Variants in CDKL1 observed in about 807,000 individuals in gnomAD.
CDKL1 encodes cyclin-dependent kinase-like 1.
A neutral mutation model predicts 42.0 loss-of-function variants in CDKL1; 41 were observed. That is an observed-to-expected ratio of 0.98 (90% confidence interval 0.76 to 1.27). The LOEUF (loss-of-function observed/expected upper bound fraction) is 1.27, where lower values mean the gene tolerates loss of function less well. Among genes scored for constraint, CDKL1 ranks in the 50% most tolerant of loss-of-function variants. CDKL1 has a pLI of 0.00. For missense variants in CDKL1, 394 were observed against 428.4 expected (o/e 0.92, Z 0.71); for synonymous variants, 153 against 158.6 (o/e 0.96, Z 0.26).
At chr14:50,361,028 G>C (rs1027650627) in intron 2 of CDKL1, among the ~76,000 whole-genome samples, 4 of 152,130 alleles carry the variant, frequency 2.6e-5, no homozygotes, top group African/African-American at 9.7e-5. Flanking sequence ...ATGTTTTTGA[G>C]ACTCTACTTT....
At chr14:50,379,819 G>A (rs975639044) in intron 2 of CDKL1, among the ~76,000 whole-genome samples, 1 of 152,234 alleles carries the variant, frequency 6.6e-6, no homozygotes, top group Non-Finnish European at 1.5e-5. Context: ...TCACCTTGAA[G>A]GAGGATCCTG....
Position 50,395,829 on chromosome 14 carries a change from A to T in CDKL1, c.40T>A (p.Ser14Thr), listed in dbSNP as rs542432977. Residue 14 changes from serine (S) to threonine (T), a missense_variant, in exon 2 of 10, where the codon TCC (serine) becomes ACC (threonine). Transcript: ENST00000395834. ...CTACATTTGAAAACAACTCCATAGG[A>T]TCCTTCTCCAATTTTCCCAATTTTT... is the stretch of plus-strand genomic sequence containing the variant. The part of the protein sequence containing the change: ...YEKIGKIGEG[S>T]YGVVFKCRNR... 12 of 1,610,104 alleles carry T rather than the reference A, an allele frequency of 7.5e-6. No homozygotes were observed. In the South Asian group the frequency reaches 1.1e-4, roughly 15 times the overall value.
At position 50,330,222 on chromosome 14, in the gene CDKL1, A is replaced by G. The variant is rs368888855; in HGVS notation, c.967-41T>C. On this transcript the variant is annotated intron_variant, in intron 9 of 9. Transcript: ENST00000395834. ...ACAGAATTAGGTTCAAAACTGTGCC[A>G]TGCATTTTTTTCATTATTTAGAATA... 1.9e-5 allele frequency: 30 copies of G among 1,578,210 alleles called. No homozygotes were observed. In the Admixed American group the frequency reaches 3.2e-4, roughly 17 times the overall value.
intron 3 of CDKL1, among the ~76,000 whole-genome samples, chr14:50,353,646 T>A (rs990978490): frequency 2.6e-5 from 4 of 152,198 alleles, no homozygotes; most frequent in Non-Finnish European, 4.4e-5. Flanking sequence ...TAAGAAATCA[T>A]GGTATATTCA....
At chr14:50,382,016 AT>A (rs1487536819) in intron 2 of CDKL1, among the ~76,000 whole-genome samples, 4 of 152,204 alleles carry the variant, frequency 2.6e-5, no homozygotes, top group Admixed American at 2.6e-4. Context: ...CAACCAGGCA[AT>A]TTTACCCAAG....
chr14:50,381,807 CT>C (rs1409222982), intron 2 of CDKL1, among the ~76,000 whole-genome samples: 1 of 152,154 alleles, frequency 6.6e-6, no homozygotes, highest in African/African-American at 2.4e-5. Context: ...GGGTTTCAGT[CT>C]GTCACCCTGG....
Position 50,378,377 on chromosome 14 carries a change from T to G in CDKL1, c.168+17324A>C, listed in dbSNP as rs761712419. The G allele has an allele frequency of 2.2e-6, 3 of 1,366,418 alleles. No homozygotes were observed. The South Asian group carries it at 3.4e-5, about 16-fold the overall frequency. 84.6% of individuals were successfully genotyped at this position (1,366,418 alleles called of 1,614,324 possible). A position where few individuals can be genotyped will look rare whatever the true frequency, so the allele number is the denominator to read the frequency against. ...CTCAAGAATGACAAGACCTGCCTCATAGGTACCAGCAGCCGTCTTGAAGGG... is the reference window on the plus strand; with the variant it reads ...CTCAAGAATGACAAGACCTGCCTCAGAGGTACCAGCAGCCGTCTTGAAGGG... On this transcript the variant is annotated intron_variant, in intron 2 of 9. Coordinates refer to ENST00000395834, the MANE Select transcript of CDKL1 (RefSeq NM_004196.7).
At chr14:50,385,612 C>T (rs763656321) in intron 2 of CDKL1, among the ~76,000 whole-genome samples, 15 of 151,710 alleles carry the variant, frequency 9.9e-5, no homozygotes, top group East Asian at 1.9e-4. Flanking sequence ...AAGACCAGCC[C>T]GGCCAAGATG....
intron 2 of CDKL1, among the ~76,000 whole-genome samples, chr14:50,372,337 C>T (rs944610298): frequency 6.6e-6 from 1 of 152,206 alleles, no homozygotes; most frequent in African/African-American, 2.4e-5. Flanking sequence ...AGACTGGTCT[C>T]AAACTCCTGA....
chr14:50,383,710 C>T (rs1026262932), intron 2 of CDKL1, among the ~76,000 whole-genome samples: 3 of 152,276 alleles, frequency 2.0e-5, no homozygotes, highest in African/African-American at 7.2e-5. Context: ...TTTCCTGCCT[C>T]CTCTTGCTCT....
intron 2 of CDKL1, among the ~76,000 whole-genome samples, chr14:50,384,672 G>A (rs1027763249): frequency 1.4e-5 from 2 of 141,130 alleles, no homozygotes; most frequent in East Asian, 2.0e-4. Context: ...CAGAGGGGAA[G>A]AAAATCTTTC....
chr14:50,379,626 G>T (rs954114089), intron 2 of CDKL1, among the ~76,000 whole-genome samples: 1 of 152,162 alleles, frequency 6.6e-6, no homozygotes, highest in African/African-American at 2.4e-5. Context: ...TAATGCACAG[G>T]AATGCCATGG....
At chr14:50,356,166 T>C (rs892430561) in intron 3 of CDKL1, among the ~76,000 whole-genome samples, 1 of 152,260 alleles carries the variant, frequency 6.6e-6, no homozygotes, top group African/African-American at 2.4e-5. Context: ...CAGTAGCTTA[T>C]GCTTTGTTGA....
At chr14:50,370,584 C>T in intron 2 of CDKL1, among the ~76,000 whole-genome samples, 1 of 152,170 alleles carries the variant, frequency 6.6e-6, no homozygotes, top group East Asian at 1.9e-4. Context: ...GCTATAAATA[C>T]CTGAGACTGG....
chr14:50,331,057 AC>A (rs869109335), intron 9 of CDKL1: 1 of 152,128 alleles, frequency 6.6e-6, no homozygotes, highest in Non-Finnish European at 1.5e-5. Flanking sequence ...ACATGGCGAA[AC>A]CCTGTCTCTA....
intron 3 of CDKL1, among the ~76,000 whole-genome samples, chr14:50,356,574 A>G (rs2034063409): frequency 6.6e-6 from 1 of 152,244 alleles, no homozygotes; most frequent in African/African-American, 2.4e-5. Flanking sequence ...AATCTAACGC[A>G]GGAACAGAAA....
At position 50,330,173 on chromosome 14, in the gene CDKL1, G is replaced by A. The variant is rs1226161686; in HGVS notation, c.975C>T (p.Tyr325=). 6.9e-6 allele frequency: 11 copies of A among 1,604,090 alleles called. No homozygotes were observed. The African/African-American group carries it at 1.2e-4, about 18-fold the overall frequency. Reference sequence around the variant, plus strand: ...TGCTGCTGCCAGTTAGCTGGGGTAGGTACTGCAACTAAAAATGCAAAACAC... The same window carrying A: ...TGCTGCTGCCAGTTAGCTGGGGTAGATACTGCAACTAAAAATGCAAAACAC... ...HCFTETSKLQ[Y]LPQLTGSSIL... Residue 325 remains tyrosine (Y), a synonymous_variant, in exon 10 of 10, where the codon TAC becomes TAT. Coordinates refer to ENST00000395834, the MANE Select transcript of CDKL1 (RefSeq NM_004196.7).
intron 4 of CDKL1, chr14:50,342,818 G>A: frequency 8.8e-7 from 1 of 1,130,676 alleles, no homozygotes; most frequent in Non-Finnish European, 1.1e-6. Context: ...GGAAGAGAAG[G>A]GTGGCAACCA....
At chr14:50,387,614 C>T (rs991541398) in intron 2 of CDKL1, among the ~76,000 whole-genome samples, 3 of 152,054 alleles carry the variant, frequency 2.0e-5, no homozygotes, top group Admixed American at 2.0e-4. Context: ...ACATGAGGAC[C>T]CCAGTTTGCC....
Sources: gnomAD v4.1 joint callset for allele counts (sites outside exome capture counted in the v4.1 genomes callset) on GRCh38, gnomAD v4.1.1 for gene constraint, MANE v1.5 for transcripts, NCBI Gene and HGNC (gene_info 2026-07-23, HGNC 2026-07-21) for gene names.